Variants in DGKH observed in about 807,000 individuals in gnomAD.
The protein encoded by DGKH is DAG kinase eta.
In DGKH, 90 loss-of-function variants were observed where a neutral mutation model predicts 159.3. The observed-to-expected ratio is 0.57, with a 90% CI of 0.48 to 0.67. The LOEUF (loss-of-function observed/expected upper bound fraction) is 0.67, where lower values mean the gene tolerates loss of function less well. Among genes scored for constraint, DGKH ranks in the 30% least tolerant of loss-of-function variants. The pLI is 0.00. For missense variants in DGKH, 1,181 were observed against 1,506.1 expected, an observed-to-expected ratio of 0.78 and a Z score of 3.57; for synonymous variants, 536 against 553.8, an observed-to-expected ratio of 0.97 and a Z score of 0.45.
At chr13:42,167,144 T>C (rs1443662156) in intron 9 of DGKH, among the ~76,000 whole-genome samples, 3 of 152,238 alleles carry the variant, frequency 2.0e-5, no homozygotes, top group Admixed American at 6.5e-5. Flanking sequence ...TGATGATTCT[T>C]TTCAGCTTTC....
chr13:42,153,726 TC>T (rs1160412303), intron 3 of DGKH: 1 of 152,254 alleles, frequency 6.6e-6, no homozygotes, highest in Non-Finnish European at 1.5e-5. Context: ...GAGGCATTGT[TC>T]TTTGCATTAA....
chr13:42,105,019 ATATGTATGTATG>A (rs34861728), intron 1 of DGKH, among the ~76,000 whole-genome samples: 35 of 150,558 alleles, frequency 2.3e-4, no homozygotes, highest in Non-Finnish European at 4.3e-4. Flanking sequence ...ATGTACATAC[ATATGTATGTATG>A]TATGTATGTA....
chr13:42,208,648 A>G (rs1006429669), intron 21 of DGKH, among the ~76,000 whole-genome samples: 5 of 151,924 alleles, frequency 3.3e-5, no homozygotes, highest in East Asian at 1.9e-4. Flanking sequence ...TGAATTAGGT[A>G]TGAACATGTA....
At chr13:42,116,452 G>A (rs1374244178) in intron 1 of DGKH, among the ~76,000 whole-genome samples, 1 of 152,202 alleles carries the variant, frequency 6.6e-6, no homozygotes, top group Non-Finnish European at 1.5e-5. Context: ...ACTGGTAGAA[G>A]CTAGAGGTTC....
At chr13:42,126,477 T>C (rs1055485932) in intron 1 of DGKH, among the ~76,000 whole-genome samples, 2 of 152,166 alleles carry the variant, frequency 1.3e-5, no homozygotes, top group Non-Finnish European at 2.9e-5. Context: ...GCAGCCATTG[T>C]GATGGAGGAA....
At chr13:42,201,753 A>G (rs932116140) in intron 20 of DGKH, among the ~76,000 whole-genome samples, 4 of 152,218 alleles carry the variant, frequency 2.6e-5, no homozygotes, top group Non-Finnish European at 4.4e-5. Context: ...ATAAATTAAC[A>G]ACATATTTTT....
At chr13:42,206,975 T>TTTTCTTTTTCTTTCTTTCTTTCTTTC (rs1555275937) in intron 21 of DGKH, among the ~76,000 whole-genome samples, 953 of 82,328 alleles carry the variant, frequency 0.012, 44 homozygotes, top group Admixed American at 0.023. Context: ...TACTTTTACT[T>TTTTCTTTTTCTTTCTTTCTTTCTTTC]TTTCTTTCTT....
In DGKH at chr13:42,169,562, A is replaced by G. The variant is rs563297511; in HGVS notation, c.1367+744A>G. Among the ~76,000 whole-genome samples, 4 of 152,334 alleles carry G rather than the reference A, an allele frequency of 2.6e-5. No individual in the cohort carries two copies. In the South Asian group the frequency reaches 8.3e-4, roughly 32 times the overall value. On this transcript the variant is annotated intron_variant, in intron 11 of 29. Transcript: ENST00000337343. ...CAATGTCAGTAGAAGACAGATGTCA[A>G]AATATCATGATCAACTTGAGGTAGC... is the stretch of plus-strand genomic sequence containing the variant.
chr13:42,106,345 A>G (rs1418820758), intron 1 of DGKH, among the ~76,000 whole-genome samples: 2 of 152,154 alleles, frequency 1.3e-5, no homozygotes, highest in Non-Finnish European at 2.9e-5. Flanking sequence ...GGATGAAGTC[A>G]TCTTTATTTG....
At position 42,230,172 on chromosome 13, in the gene DGKH, A is replaced by G. The variant is rs1044739191; in HGVS notation, c.*984A>G. 1 of 146,944 alleles carries G rather than the reference A, an allele frequency of 6.8e-6. No individual in the cohort carries two copies. The highest frequency in any genetic ancestry group is 1.5e-5 in the Non-Finnish European group (1 of 65,068). 9.1% of individuals were successfully genotyped at this position (146,944 alleles called of 1,614,324 possible). A position where few individuals can be genotyped will look rare whatever the true frequency, so the allele number is the denominator to read the frequency against. On this transcript the variant is annotated 3_prime_UTR_variant, in exon 30 of 30. Coordinates refer to ENST00000337343, the MANE Select transcript of DGKH (RefSeq NM_178009.5). ...AATTTCAATTTAATAATTATTTAAT[A>G]TTCTATTTGAATTTATAATATAGTA...
chr13:42,057,583 C>A (rs6561030), intron 1 of DGKH, among the ~76,000 whole-genome samples: 26,719 of 152,110 alleles, frequency 0.18, 2,524 homozygotes, highest in East Asian at 0.32. Flanking sequence ...TATCATGCAT[C>A]TTCCTGTGTG....
In DGKH at chr13:42,133,990, A is replaced by T. The variant is rs1294862042; in HGVS notation, c.384+4358A>T. 2.0e-5 allele frequency among the ~76,000 whole-genome samples: 3 copies of T among 152,202 alleles called. No homozygotes were observed. The South Asian group carries it at 6.2e-4, about 32-fold the overall frequency. ...CAGTTTGGTGTATTATGGCTGGAGGATCCAGGAATGGCCAAATTCGACTTC... is the reference window on the plus strand; with the variant it reads ...CAGTTTGGTGTATTATGGCTGGAGGTTCCAGGAATGGCCAAATTCGACTTC... On this transcript the variant is annotated intron_variant, in intron 3 of 29. Coordinates refer to ENST00000337343, the MANE Select transcript of DGKH (RefSeq NM_178009.5).
chr13:42,256,420 G>T (rs1937568053), exon 31 of DGKH: 1 of 1,575,832 alleles, frequency 6.3e-7, no homozygotes, highest in Non-Finnish European at 8.7e-7. Context: ...AGATTGCTAA[G>T]ACAGCACACA....
At chr13:42,176,994 CAG>C (rs1956619984) in intron 12 of DGKH, among the ~76,000 whole-genome samples, 1 of 152,098 alleles carries the variant, frequency 6.6e-6, no homozygotes, top group Admixed American at 6.5e-5. Context: ...TATTGTTTAA[CAG>C]AAATATTTAT....
chr13:42,256,175 G>A (rs1958655991), intron 30 of DGKH: 1 of 1,212,202 alleles, frequency 8.2e-7, no homozygotes, highest in Non-Finnish European at 1.2e-6. Flanking sequence ...GGGGAATCAT[G>A]TTGCTGTAAC....
intron 17 of DGKH, among the ~76,000 whole-genome samples, chr13:42,196,198 G>A (rs1289578265): frequency 6.6e-6 from 1 of 152,112 alleles, no homozygotes; most frequent in Non-Finnish European, 1.5e-5. Context: ...ATGCATTGGT[G>A]GTAGGAATGT....
chr13:42,143,490 G>A (rs1376790853), intron 3 of DGKH, among the ~76,000 whole-genome samples: 1 of 152,138 alleles, frequency 6.6e-6, no homozygotes, highest in Non-Finnish European at 1.5e-5. Context: ...GCTCCTCCTT[G>A]TACCTCTGGT....
chr13:42,139,155 A>G (rs1344023470), intron 3 of DGKH, among the ~76,000 whole-genome samples: 2 of 152,228 alleles, frequency 1.3e-5, no homozygotes, highest in African/African-American at 4.8e-5. Context: ...GTAAGAAACC[A>G]TTGGTCCTTT....
At chr13:42,072,523 A>G (rs1883039537) in intron 1 of DGKH, among the ~76,000 whole-genome samples, 4 of 152,182 alleles carry the variant, frequency 2.6e-5, no homozygotes, top group Admixed American at 2.6e-4. Context: ...TCTAAAACAA[A>G]CTTGAATTGT....
Sources: allele counts gnomAD v4.1 joint callset (sites outside exome capture counted in the v4.1 genomes callset), GRCh38; gene constraint gnomAD v4.1.1; transcripts MANE v1.5; gene names NCBI Gene and HGNC (gene_info 2026-07-23, HGNC 2026-07-21).